Variants in SDK1 observed in about 807,000 individuals in gnomAD.
SDK1 encodes sidekick cell adhesion molecule 1.
SDK1 carries 157 observed loss-of-function variants against 245.5 expected under a neutral mutation model. The ratio of observed to expected loss-of-function variants is 0.64; its 90% CI spans 0.56 to 0.73. The LOEUF is 0.73. SDK1 is among the 30% of genes least tolerant of loss of function. The pLI, the probability that SDK1 is intolerant of heterozygous loss-of-function variation, is 0.00. For synonymous variants in SDK1, 1,647 were observed against 1,278.5 expected (o/e 1.29, Z -6.15); for missense variants, 3,583 against 3,002.3 (o/e 1.19, Z -4.52).
At chr7:3,447,634 C>T (rs535090260) in intron 1 of SDK1, among the ~76,000 whole-genome samples, 3 of 150,808 alleles carry the variant, frequency 2.0e-5, no homozygotes, top group Admixed American at 6.6e-5. Flanking sequence ...GGGTGGCTTC[C>T]TGTGAGGTAT....
chr7:3,998,028 C>A (rs1562642839), intron 14 of SDK1, among the ~76,000 whole-genome samples: 1 of 152,204 alleles, frequency 6.6e-6, no homozygotes, highest in Non-Finnish European at 1.5e-5. Context: ...GTTTTGGCAG[C>A]TGCAGCTGTG....
At chr7:4,143,785 C>G (rs1483497285) in intron 28 of SDK1, among the ~76,000 whole-genome samples, 1 of 152,210 alleles carries the variant, frequency 6.6e-6, no homozygotes, top group Non-Finnish European at 1.5e-5. Flanking sequence ...TCCAGCCCGA[C>G]TCTCTCGTCA....
chr7:4,191,728 C>A (rs1261974726), intron 35 of SDK1, among the ~76,000 whole-genome samples: 1 of 152,232 alleles, frequency 6.6e-6, no homozygotes, highest in Non-Finnish European at 1.5e-5. Context: ...TTAGGGTCTC[C>A]TGTGAGTGGC....
At chr7:3,623,743 T>C (rs1020932523) in intron 2 of SDK1, among the ~76,000 whole-genome samples, 2 of 152,232 alleles carry the variant, frequency 1.3e-5, no homozygotes, top group Non-Finnish European at 2.9e-5. Context: ...ATTCAACATA[T>C]ACATACACCT....
At chr7:3,649,235 G>C (rs1782936235) in intron 4 of SDK1, among the ~76,000 whole-genome samples, 1 of 152,160 alleles carries the variant, frequency 6.6e-6, no homozygotes, top group Non-Finnish European at 1.5e-5. Flanking sequence ...GGGTTGAATT[G>C]AGTGACTAAG....
intron 1 of SDK1, among the ~76,000 whole-genome samples, chr7:3,554,526 A>G (rs1779521111): frequency 6.6e-6 from 1 of 152,242 alleles, no homozygotes; most frequent in Admixed American, 6.5e-5. Flanking sequence ...AGAAGCCTCC[A>G]GAGATTGTAC....
intron 1 of SDK1, among the ~76,000 whole-genome samples, chr7:3,575,625 T>C (rs1162603481): frequency 2.0e-5 from 3 of 151,952 alleles, no homozygotes. Flanking sequence ...AACAATGAAA[T>C]TTCATTAAGA....
intron 17 of SDK1, among the ~76,000 whole-genome samples, chr7:4,037,230 G>C (rs773710845): frequency 2.4e-4 from 36 of 152,220 alleles, no homozygotes; most frequent in Non-Finnish European, 4.7e-4. Context: ...ACTTCATCTA[G>C]AAGATCATTA....
At chr7:3,905,786 C>A (rs973018031) in intron 5 of SDK1, among the ~76,000 whole-genome samples, 1 of 151,522 alleles carries the variant, frequency 6.6e-6, no homozygotes, top group Non-Finnish European at 1.5e-5. Flanking sequence ...CTATCCCTGG[C>A]TAATTAAAAA....
At chr7:4,139,637 ATGTGTGTGTATATGTGTGTGTGTATATG>A (rs750494321) in intron 28 of SDK1, among the ~76,000 whole-genome samples, 6 of 52,152 alleles carry the variant, frequency 1.2e-4, no homozygotes, top group African/African-American at 4.3e-4. Flanking sequence ...ATATGTATAT[ATGTGTGTGTATATGTGTGTGTGTATATG>A]TGTGTGTGTA....
intron 30 of SDK1, among the ~76,000 whole-genome samples, chr7:4,157,469 G>GAAAGGAGA (rs1780828026): frequency 1.1e-5 from 1 of 92,310 alleles, no homozygotes; most frequent in Non-Finnish European, 2.4e-5. Context: ...AGGGAGAGAA[G>GAAAGGAGA]GAAGGAGGGA....
At chr7:3,818,905 C>G (rs944228972) in intron 4 of SDK1, among the ~76,000 whole-genome samples, 1 of 152,144 alleles carries the variant, frequency 6.6e-6, no homozygotes, top group Non-Finnish European at 1.5e-5. Context: ...GGCCAGCTCT[C>G]TTGTGTTGCA....
chr7:4,195,028 A>G (rs1783497949), intron 35 of SDK1, among the ~76,000 whole-genome samples: 1 of 152,222 alleles, frequency 6.6e-6, no homozygotes, highest in Admixed American at 6.5e-5. Flanking sequence ...GCCCTAACCC[A>G]TGCCACTGAA....
At chr7:3,649,633 T>C (rs1782945990) in intron 4 of SDK1, among the ~76,000 whole-genome samples, 1 of 152,234 alleles carries the variant, frequency 6.6e-6, no homozygotes, top group Admixed American at 6.5e-5. Flanking sequence ...TTAAGGATTT[T>C]ATTTATAACA....
intron 1 of SDK1, among the ~76,000 whole-genome samples, chr7:3,325,909 C>G (rs551754239): frequency 1.7e-4 from 16 of 94,128 alleles, no homozygotes; most frequent in Admixed American, 8.1e-4. Flanking sequence ...AAACATCCTC[C>G]CCTTTGAGAG....
chr7:3,619,337 A>G, intron 2 of SDK1, 98 bp downstream of exon 2: 1 of 1,013,276 alleles, frequency 9.9e-7, no homozygotes, highest in Non-Finnish European at 1.5e-6. Context: ...AAAATATTGG[A>G]TTGAATTTCT....
intron 1 of SDK1, among the ~76,000 whole-genome samples, chr7:3,592,914 A>C (rs1023513518): frequency 3.3e-5 from 5 of 152,232 alleles, no homozygotes; most frequent in African/African-American, 1.2e-4. Context: ...AATAACCTGG[A>C]GTCCTTGTCC....
chr7:3,971,912 G>A lies in SDK1; in HGVS notation c.1817+344G>A, dbSNP rs568498087. ...GGGGGATCGACTAGGATTCAGCATT[G>A]TTTACACGGGGGCTGTGCCACTCCC... On this transcript the variant is annotated intron_variant, in intron 12 of 44. Coordinates refer to ENST00000404826, the MANE Select transcript of SDK1 (RefSeq NM_152744.4). 7.5e-4 allele frequency among the ~76,000 whole-genome samples: 114 copies of A among 152,158 alleles called. 1 individual carries two copies. The highest frequency in any genetic ancestry group is 2.7e-3 in the African/African-American group (114 of 41,518).
chr7:4,220,209 A>G lies in SDK1; in HGVS notation c.5640A>G (p.Gln1880=), dbSNP rs1785063165. Reference sequence around the variant, plus strand: ...GAGTGACCTATTTCTTCCGTGTCCAAGCGCGGACCATCACCTACGGGCCCG... The same window carrying G: ...GAGTGACCTATTTCTTCCGTGTCCAGGCGCGGACCATCACCTACGGGCCCG... ...TKGVTYFFRV[Q]ARTITYGPEL... The change falls in exon 39 of 45, where the codon CAA becomes CAG. Residue 1880 remains glutamine (Q), a synonymous_variant. Coordinates refer to ENST00000404826, the MANE Select transcript of SDK1 (RefSeq NM_152744.4). 2.5e-6 allele frequency: 4 copies of G among 1,613,898 alleles called. No individual in the cohort carries two copies. Among genetic ancestry groups the G allele is most frequent in the Non-Finnish European group, 3.4e-6 (4 of 1,180,028 alleles).
Sources: allele counts gnomAD v4.1 joint callset (sites outside exome capture counted in the v4.1 genomes callset), GRCh38; gene constraint gnomAD v4.1.1; transcripts MANE v1.5; gene names NCBI Gene and HGNC (gene_info 2026-07-23, HGNC 2026-07-21).